Variants in TRIM26 observed in about 807,000 individuals in gnomAD.
TRIM26 encodes the protein tripartite motif-containing protein 26.
Under a neutral mutation model 45.5 loss-of-function variants are expected in TRIM26, and 16 were observed. That is an observed-to-expected ratio of 0.35 (90% CI 0.24 to 0.53). The LOEUF (loss-of-function observed/expected upper bound fraction) is 0.53. Among genes scored for constraint, TRIM26 ranks in the 20% least tolerant of loss-of-function variants. TRIM26 has a pLI of 0.92. For synonymous variants in TRIM26, 273 were observed against 290.4 expected, an observed-to-expected ratio of 0.94 and a Z score of 0.61; for missense variants, 442 against 691.1, an observed-to-expected ratio of 0.64 and a Z score of 4.04.
chr6:30,190,006 C>A lies in TRIM26; in HGVS notation c.788+7G>T. The A allele has an allele frequency of 1.2e-6, 2 of 1,612,942 alleles. No homozygotes were observed. The highest frequency in any genetic ancestry group is 1.7e-6 in the Non-Finnish European group (2 of 1,179,936). On this transcript the variant is annotated splice_region_variant and intron_variant, in intron 7 of 9. Coordinates refer to ENST00000454678, the MANE Select transcript of TRIM26 (RefSeq NM_003449.5). The surrounding 1 kb of genome is among the most constrained non-coding windows in gnomAD (Gnocchi z 4.3). ...TGAGGTACGCCATGGAGAGGAGACT[C>A]TTTTACCTGTTTAGGAAGTCTCTCG... is the stretch of plus-strand genomic sequence containing the variant.
At position 30,203,169 on chromosome 6, in the gene TRIM26, G is replaced by A. The variant is rs188132507; in HGVS notation, c.-266+1487C>T. On this transcript the variant is annotated intron_variant, in intron 2 of 9. Coordinates refer to ENST00000454678, the MANE Select transcript of TRIM26 (RefSeq NM_003449.5). ...AGCAATCTTCTCATCTCAGGCTCCC[G>A]AGTTGCTGCAACAACAGGTGCATAC... 7.3e-3 allele frequency among the ~76,000 whole-genome samples: 1,085 copies of A among 149,482 alleles called. 43 individuals are homozygous for A. In the South Asian group the frequency reaches 0.12, roughly 17 times the overall value.
rs1364198486 is a variant in TRIM26, at chr6:30,190,288, G to T, written c.766-253C>A. ...CCTCTCTGGGAGATACCTGCGCAGA[G>T]AATTGACGGATAAGAAGTACTGGCC... On this transcript the variant is annotated intron_variant, in intron 6 of 9. Coordinates refer to ENST00000454678, the MANE Select transcript of TRIM26 (RefSeq NM_003449.5). The surrounding 1 kb of genome is among the most constrained non-coding windows in gnomAD (Gnocchi z 4.3). 5.2e-6 allele frequency: 3 copies of T among 582,296 alleles called. No homozygotes were observed. The highest frequency in any genetic ancestry group is 9.2e-6 in the Non-Finnish European group (3 of 327,224). The allele number at this position is 582,296 out of a possible 1,614,324, so 36.1% of individuals were successfully genotyped here. A position where few individuals can be genotyped will look rare whatever the true frequency, so the allele number is the denominator to read the frequency against.
rs150052065 is a variant in TRIM26, at chr6:30,189,716, C to T, written c.789-183G>A. The stretch of plus-strand genomic sequence containing the variant: ...ACCAGGGCTTCAGAACATCAGTAGA[C>T]TCCACATCCAGGGCGCTCTGTCTAC... On this transcript the variant is annotated intron_variant, in intron 7 of 9. Transcript: ENST00000454678. The surrounding 1 kb of genome is among the most constrained non-coding windows in gnomAD (Gnocchi z 5.0). The T allele has an allele frequency of 2.5e-3, 1,622 of 641,850 alleles. 7 individuals are homozygous for T. Among genetic ancestry groups the T allele is most frequent in the African/African-American group, 0.012 (657 of 54,852 alleles). The allele number at this position is 641,850 out of a possible 1,614,324, so 39.8% of individuals were successfully genotyped here.
At chr6:30,187,917 CAAAA>C (rs34936729) in intron 9 of TRIM26, among the ~76,000 whole-genome samples, 2 of 43,598 alleles carry the variant, frequency 4.6e-5, no homozygotes, top group Admixed American at 3.0e-4. Flanking sequence ...GACTCCATCT[CAAAA>C]AAAAAAAAAA....
In TRIM26 at chr6:30,186,060, T is replaced by A; in HGVS notation, c.1436A>T (p.Glu479Val). The A allele has an allele frequency of 6.2e-7, 1 of 1,600,368 alleles. No homozygotes were observed. Among genetic ancestry groups the A allele is most frequent in the African/African-American group, 1.3e-5 (1 of 74,638 alleles). The change falls in exon 10 of 10, where the codon GAG becomes GTG. Residue 479 changes from glutamate (E) to valine (V), a missense_variant. Coordinates refer to ENST00000454678, the MANE Select transcript of TRIM26 (RefSeq NM_003449.5). This position sits in a 1 kb window ranked among gnomAD's most constrained non-coding sequence, Gnocchi z 7.4. Reference sequence around the variant, plus strand: ...CCGGGGCCGCAGTGCTGGGAAAAGCTCAGCCTCGGGGCTGGTGTTGGCCCA... The same window carrying A: ...CCGGGGCCGCAGTGCTGGGAAAAGCACAGCCTCGGGGCTGGTGTTGGCCCA... ...GIWANTSPEA[E>V]LFPALRPRRV...
In TRIM26 at chr6:30,198,328, C is replaced by T. The variant is rs1016027188; in HGVS notation, c.534+101G>A. On this transcript the variant is annotated intron_variant, in intron 5 of 9. Coordinates refer to ENST00000454678, the MANE Select transcript of TRIM26 (RefSeq NM_003449.5). The surrounding 1 kb of genome is among the most constrained non-coding windows in gnomAD (Gnocchi z 6.3). ...GGCTGACACCCATCCTCCCTGTGAG[C>T]AGCGCCTAGAAACACCTCCCAGCTG... 4 of 1,272,338 alleles carry T rather than the reference C, an allele frequency of 3.1e-6. No individual in the cohort carries two copies. Among genetic ancestry groups the T allele is most frequent in the African/African-American group, 2.9e-5 (2 of 67,814 alleles). The allele number at this position is 1,272,338 out of a possible 1,614,324, so 78.8% of individuals were successfully genotyped here.
rs376167358 is a variant in TRIM26 at position 30,185,898 on chromosome 6, G to T, written c.1598C>A (p.Thr533Lys). The T allele has an allele frequency of 6.2e-7, 1 of 1,612,640 alleles. No homozygotes were observed. The highest frequency in any genetic ancestry group is 1.3e-5 in the African/African-American group (1 of 74,930). The stretch of plus-strand genomic sequence containing the variant: ...GGCTCAGGGTCTTAGCAGGAGGCGT[G>T]TTCCTGGCCACTTGAGCCACAGGAA... The part of the protein sequence containing the change: ...VPFLWLKWPG[T>K]RLLLRP The change falls in exon 10 of 10, where the codon ACA becomes AAA. Residue 533 changes from threonine to lysine, a missense_variant. By Grantham distance (78) the Thr-to-Lys change is moderately conservative. Transcript: ENST00000454678. The surrounding 1 kb of genome is among the most constrained non-coding windows in gnomAD (Gnocchi z 5.7).
At chr6:30,206,892 A>G (rs908726707) in intron 1 of TRIM26, among the ~76,000 whole-genome samples, 1 of 152,274 alleles carries the variant, frequency 6.6e-6, no homozygotes, top group Non-Finnish European at 1.5e-5. Flanking sequence ...TTTGCCCAGC[A>G]GCAGAGCTGG....
intron 2 of TRIM26, among the ~76,000 whole-genome samples, chr6:30,203,129 G>T (rs1117488): frequency 0.24 from 34,856 of 147,278 alleles, 4,637 homozygotes; most frequent in African/African-American, 0.35. Context: ...CTGCAACCTC[G>T]GCCTCCCTGG....
At chr6:30,202,978 G>A (rs1433875698) in intron 2 of TRIM26, among the ~76,000 whole-genome samples, 6 of 151,274 alleles carry the variant, frequency 4.0e-5, no homozygotes, top group African/African-American at 1.5e-4. Context: ...AATAGTCTTG[G>A]AACTATTGTG....
At chr6:30,191,420 A>G (rs914487786) in intron 6 of TRIM26, among the ~76,000 whole-genome samples, 6 of 151,776 alleles carry the variant, frequency 4.0e-5, no homozygotes, top group South Asian at 2.1e-4. Context: ...AAAAAAAAAA[A>G]AAAGAGAGAG....
At chr6:30,200,129 T>A (rs567688481) in intron 3 of TRIM26, among the ~76,000 whole-genome samples, 4 of 152,186 alleles carry the variant, frequency 2.6e-5, no homozygotes, top group African/African-American at 7.2e-5. Context: ...AAAAATTTTT[T>A]AAAATACCCC....
rs1021050162 is a variant in TRIM26, at chr6:30,186,845, C to T, written c.938-287G>A. ...TCCAAACAAAACTTTTCATAAGCTT[C>T]CTCTATCTCTGGATCTCTGGGTCCA... is the stretch of plus-strand genomic sequence containing the variant. On this transcript the variant is annotated intron_variant, in intron 9 of 9. Coordinates refer to ENST00000454678, the MANE Select transcript of TRIM26 (RefSeq NM_003449.5). The surrounding 1 kb of genome is among the most constrained non-coding windows in gnomAD (Gnocchi z 7.4). The T allele has an allele frequency of 1.8e-5, 18 of 994,304 alleles. No homozygotes were observed. In the African/African-American group the frequency reaches 2.7e-4, roughly 15 times the overall value. The allele number at this position is 994,304 out of a possible 1,614,324, so 61.6% of individuals were successfully genotyped here. A position where few individuals can be genotyped will look rare whatever the true frequency, so the allele number is the denominator to read the frequency against.
At position 30,185,941 on chromosome 6, in the gene TRIM26, T is replaced by C. The variant is rs2127477234; in HGVS notation, c.1555A>G (p.Thr519Ala). The C allele has an allele frequency of 1.2e-6, 2 of 1,612,958 alleles. No individual in the cohort carries two copies. The highest frequency in any genetic ancestry group is 1.7e-6 in the Non-Finnish European group (2 of 1,179,986). The change falls in exon 10 of 10, where the codon ACC becomes GCC. Residue 519 changes from threonine (T) to alanine (A), a missense_variant. By Grantham distance (58) the Thr-to-Ala change is moderately conservative. Transcript: ENST00000454678. The surrounding 1 kb of genome is among the most constrained non-coding windows in gnomAD (Gnocchi z 5.7). Reference sequence around the variant, plus strand: ...CACAGGAAGGGGACCAGGCGCCGGGTGAAGGTGGCAGTGAAGGTGTAGATG... The same window carrying C: ...CACAGGAAGGGGACCAGGCGCCGGGCGAAGGTGGCAGTGAAGGTGTAGATG... Reference protein sequence around the residue: ...ELIYTFTATFTRRLVPFLWLK... With the variant: ...ELIYTFTATFARRLVPFLWLK...
rs1307977385 is a variant in TRIM26, at chr6:30,193,128, ATACATATATGTGTG to A, written c.766-3107_766-3094del. Among the ~76,000 whole-genome samples, 21 of 54,914 alleles carry A rather than the reference ATACATATATGTGTG, an allele frequency of 3.8e-4. 1 individual carries two copies. Among genetic ancestry groups the A allele is most frequent in the East Asian group, 2.8e-3 (7 of 2,532 alleles). 36.0% of individuals were successfully genotyped at this position (54,914 alleles called of 152,430 possible). ...TATACATATATATGTGTATATATATATACATATATGTGTGTGTGTGTGTGTGTGTGTGTGTATAT... is the reference window on the plus strand; with the variant it reads ...TATACATATATATGTGTATATATATATGTGTGTGTGTGTGTGTGTGTATAT... On this transcript the variant is annotated intron_variant, in intron 6 of 9. Coordinates refer to ENST00000454678, the MANE Select transcript of TRIM26 (RefSeq NM_003449.5).
Position 30,196,021 on chromosome 6 carries a change from A to G in TRIM26, c.765+495T>C, listed in dbSNP as rs965808612. 2.6e-5 allele frequency among the ~76,000 whole-genome samples: 4 copies of G among 152,142 alleles called. No homozygotes were observed. The highest frequency in any genetic ancestry group is 9.7e-5 in the African/African-American group (4 of 41,424). ...CTTTCCATCTTGTTCTCTGTGTGGT[A>G]ATCCCATGGGCCAAAGAAAACCTGG... On this transcript the variant is annotated intron_variant, in intron 6 of 9. Coordinates refer to ENST00000454678, the MANE Select transcript of TRIM26 (RefSeq NM_003449.5). This position sits in a 1 kb window ranked among gnomAD's most constrained non-coding sequence, Gnocchi z 4.9.
chr6:30,198,789 G>A lies in TRIM26; in HGVS notation c.315C>T (p.His105=), dbSNP rs1776772299. 1.2e-6 allele frequency: 2 copies of A among 1,606,130 alleles called. No individual in the cohort carries two copies. Residue 105 remains histidine (H), a synonymous_variant, in exon 4 of 10, where the codon CAC becomes CAT. Coordinates refer to ENST00000454678, the MANE Select transcript of TRIM26 (RefSeq NM_003449.5). This position sits in a 1 kb window ranked among gnomAD's most constrained non-coding sequence, Gnocchi z 6.3. ...EQQDAKLCER[H]REKLHYYCED... is the part of the protein sequence containing the mutation. ...CACAGTAGTAGTGCAGCTTCTCTCG[G>A]TGTCGCTCGCACAACTTTGCATCCT...
In TRIM26 at chr6:30,186,036, C is replaced by A; in HGVS notation, c.1460G>T (p.Arg487Leu). 6.2e-7 allele frequency: 1 copy of A among 1,606,546 alleles called. No individual in the cohort carries two copies. Among genetic ancestry groups the A allele is most frequent in the Non-Finnish European group, 8.5e-7 (1 of 1,177,038 alleles). The change falls in exon 10 of 10, where the codon CGG becomes CTG. Residue 487 changes from arginine to leucine, a missense_variant. By Grantham distance (102) the Arg-to-Leu change is moderately radical. Coordinates refer to ENST00000454678, the MANE Select transcript of TRIM26 (RefSeq NM_003449.5). This position sits in a 1 kb window ranked among gnomAD's most constrained non-coding sequence, Gnocchi z 7.4. ...EAELFPALRP[R>L]RVGIALDYEG... is the part of the protein sequence containing the mutation. ...ATAATCCAGGGCGATGCCCACTCTCCGGGGCCGCAGTGCTGGGAAAAGCTC... is the reference window on the plus strand; with the variant it reads ...ATAATCCAGGGCGATGCCCACTCTCAGGGGCCGCAGTGCTGGGAAAAGCTC...
Position 30,207,584 on chromosome 6 carries a change from T to C in TRIM26, c.-375-2819A>G, listed in dbSNP as rs1273890807. ...AACCAGGTTAAACCCCTCAATGGCT[T>C]TCTGGTGCTCCAGGAATAAAGTCAA... On this transcript the variant is annotated intron_variant, in intron 1 of 9. Coordinates refer to ENST00000454678, the MANE Select transcript of TRIM26 (RefSeq NM_003449.5). This position sits in a 1 kb window ranked among gnomAD's most constrained non-coding sequence, Gnocchi z 4.9. Among the ~76,000 whole-genome samples, 2 of 152,156 alleles carry C rather than the reference T, an allele frequency of 1.3e-5. No individual in the cohort carries two copies. Among genetic ancestry groups the C allele is most frequent in the African/African-American group, 4.8e-5 (2 of 41,410 alleles).
Sources: allele counts gnomAD v4.1 joint callset (sites outside exome capture counted in the v4.1 genomes callset), GRCh38; gene constraint gnomAD v4.1.1; non-coding constraint Gnocchi (gnomAD v3.1); transcripts MANE v1.5; gene names NCBI Gene and HGNC (gene_info 2026-07-23, HGNC 2026-07-21).